The following ATAD5 variants were observed in gnomAD, a reference collection of about 807,000 sequenced individuals.
ATAD5 encodes ATPase family AAA domain-containing protein 5.
Under a neutral mutation model 176.9 loss-of-function variants are expected in ATAD5, and 58 were observed. The observed-to-expected ratio is 0.33, with a 90% confidence interval of 0.27 to 0.41. The LOEUF is 0.41. ATAD5 is among the 10% of genes least tolerant of loss of function. ATAD5 has a pLI of 1.00. For synonymous variants in ATAD5, 640 were observed against 712.6 expected (o/e 0.90, Z 1.62); for missense variants, 1,789 against 2,094.1 (o/e 0.85, Z 2.84).
At position 30,881,352 on chromosome 17, in the gene ATAD5, T is replaced by C. The variant is rs11870616; in HGVS notation, c.4077+1865T>C. ...AATTGTCCTGTTGCCCAGGCTGGAG[T>C]ACGGTGGCACGATCTTGGTTCACTA... On this transcript the variant is annotated intron_variant, in intron 18 of 22. Transcript: ENST00000321990. Among the ~76,000 whole-genome samples, 982 of 152,182 alleles carry C rather than the reference T, an allele frequency of 6.5e-3. 12 individuals are homozygous for C. Among genetic ancestry groups the C allele is most frequent in the African/African-American group, 0.023 (936 of 41,514 alleles).
intron 6 of ATAD5, among the ~76,000 whole-genome samples, chr17:30,850,899 T>TGTTTTTG (rs1313247794): frequency 1.7e-5 from 1 of 60,350 alleles, no homozygotes; most frequent in Non-Finnish European, 3.4e-5. Context: ...TTTTTTTTTT[T>TGTTTTTG]TTTGAGATAG....
At chr17:30,865,921 A>C (rs1907950360) in intron 11 of ATAD5, 121 bp downstream of exon 11, 1 of 550,514 alleles carries the variant, frequency 1.8e-6, no homozygotes, top group Non-Finnish European at 3.0e-6. Context: ...AACTGGTAGA[A>C]GTTTAAGTGA....
At position 30,835,733 on chromosome 17, in the gene ATAD5, A is replaced by G; in HGVS notation, c.1652A>G (p.Lys551Arg). ...GATATAGCAAATGATGACCTTCTAA[A>G]GGTTTCCTCTCTGTGTAACAATAAT... is the stretch of plus-strand genomic sequence containing the variant. ...YEDIANDDLL[K>R]VSSLCNNNKL... Residue 551 changes from lysine to arginine, a missense_variant, in exon 2 of 23, where the codon AAG becomes AGG. Lys to Arg is a conservative substitution (Grantham distance 26). Coordinates refer to ENST00000321990, the MANE Select transcript of ATAD5 (RefSeq NM_024857.5). 6.2e-7 allele frequency: 1 copy of G among 1,612,880 alleles called. No individual in the cohort carries two copies. The highest frequency in any genetic ancestry group is 8.5e-7 in the Non-Finnish European group (1 of 1,179,668).
rs371288855 is a variant in ATAD5 at position 30,834,167 on chromosome 17, A to G, written c.86A>G (p.Lys29Arg). 3 of 1,555,642 alleles carry G rather than the reference A, an allele frequency of 1.9e-6. No homozygotes were observed. The highest frequency in any genetic ancestry group is 2.6e-6 in the Non-Finnish European group (3 of 1,156,830). ...TGCCAGCCATGCAAAAAGCGAAAGAAAGATGATGACACATCTACCTGCAAA... is the reference window on the plus strand; with the variant it reads ...TGCCAGCCATGCAAAAAGCGAAAGAGAGATGATGACACATCTACCTGCAAA... Reference protein sequence around the residue: ...CEIEPCKKRKKDDDTSTCKTI... With the variant: ...CEIEPCKKRKRDDDTSTCKTI... Residue 29 changes from lysine (K) to arginine (R), a missense_variant, in exon 2 of 23, where the codon AAA becomes AGA. By Grantham distance (26) the Lys-to-Arg change is conservative. This residue lies in a region of ATAD5 where 696 missense variants were observed against 712.5 expected (regional missense o/e 0.98). Transcript: ENST00000321990.
At chr17:30,855,543 T>TA (rs1907244077) in intron 7 of ATAD5, among the ~76,000 whole-genome samples, 1 of 152,038 alleles carries the variant, frequency 6.6e-6, no homozygotes, top group African/African-American at 2.4e-5. Flanking sequence ...GTTTCTTGTA[T>TA]AAAATGGTGT....
rs778944688 is a variant in ATAD5, at chr17:30,893,566, A to G, written c.4713A>G (p.Val1571=). Reference sequence around the variant, plus strand: ...AAAAGAAACAAAAGAAAACATTGGTAATATTAGATGATAGTGATCTATTTG... The same window carrying G: ...AAAAGAAACAAAAGAAAACATTGGTGATATTAGATGATAGTGATCTATTTG... ...SQKKKQKKTL[V]ILDDSDLFDT... Residue 1571 remains valine (V), a synonymous_variant, in exon 21 of 23, where the codon GTA becomes GTG. Transcript: ENST00000321990. 11 of 1,613,346 alleles carry G rather than the reference A, an allele frequency of 6.8e-6. No individual in the cohort carries two copies. Among genetic ancestry groups the G allele is most frequent in the Middle Eastern group, 1.6e-4 (1 of 6,084 alleles).
rs1471483490 is a variant in ATAD5 at position 30,874,625 on chromosome 17, A to ATTTATTTATTTATTTG, written c.3608-1734_3608-1733insGTTTATTTATTTATTT. On this transcript the variant is annotated intron_variant, in intron 14 of 22. Transcript: ENST00000321990. ...TGTTCAACTATTTATTTATTTATTTATTTATTTATTTATTTATTTATTTGA... is the reference window on the plus strand; with the variant it reads ...TGTTCAACTATTTATTTATTTATTTATTTATTTATTTATTTGTTTATTTATTTATTTATTTATTTGA... Among the ~76,000 whole-genome samples, 287 of 146,266 alleles carry ATTTATTTATTTATTTG rather than the reference A, an allele frequency of 2.0e-3. 1 individual carries two copies. Among genetic ancestry groups the ATTTATTTATTTATTTG allele is most frequent in the African/African-American group, 6.8e-3 (273 of 39,946 alleles).
In ATAD5 at chr17:30,832,408, A is replaced by G; in HGVS notation, c.61A>G (p.Ile21Val). 6.4e-7 allele frequency: 1 copy of G among 1,561,860 alleles called. No individual in the cohort carries two copies. Among genetic ancestry groups the G allele is most frequent in the Non-Finnish European group, 8.7e-7 (1 of 1,152,830 alleles). ...TCCGCCTCCCGTGAAGGACTGCGAG[A>G]TTGAGGTGAGGTTGAGTCGAGGATC... ...AAPPPVKDCE[I>V]EPCKKRKKDD... Residue 21 changes from isoleucine to valine, a missense_variant, in exon 1 of 23, where the codon ATT (isoleucine) becomes GTT (valine). Ile to Val is a conservative substitution (Grantham distance 29, BLOSUM62 3). Around this residue, in one of 6 missense-constraint regions of ATAD5, gnomAD observed 696 missense variants for 712.5 expected, o/e 0.98. Coordinates refer to ENST00000321990, the MANE Select transcript of ATAD5 (RefSeq NM_024857.5).
intron 3 of ATAD5, 114 bp from the exon 4 acceptor site, chr17:30,840,503 G>C: frequency 7.5e-6 from 6 of 796,158 alleles, no homozygotes; most frequent in Non-Finnish European, 1.1e-5. Context: ...GGTAAGATTT[G>C]AATAACCATT....
In ATAD5 at chr17:30,893,475, C is replaced by T. The variant is rs1055508670; in HGVS notation, c.4622C>T (p.Thr1541Ile). The T allele has an allele frequency of 1.9e-6, 3 of 1,612,848 alleles. No individual in the cohort carries two copies. The African/African-American group carries it at 4.0e-5, about 22-fold the overall frequency. ...PSVTVDASAATKSMNCLARKH... is the reference protein window; with the variant it reads ...PSVTVDASAAIKSMNCLARKH... ...GTAACTGTGGATGCCAGTGCAGCAA[C>T]AAAAAGTATGAATTGTCTTGCTAGG... Residue 1541 changes from threonine (T) to isoleucine (I), a missense_variant, in exon 21 of 23, where the codon ACA (threonine) becomes ATA (isoleucine). By Grantham distance (89) the Thr-to-Ile change is moderately conservative. Around this residue, in one of 6 missense-constraint regions of ATAD5, gnomAD observed 403 missense variants for 495.1 expected, o/e 0.81. Transcript: ENST00000321990.
At chr17:30,865,212 G>A (rs1031440865) in intron 10 of ATAD5, among the ~76,000 whole-genome samples, 2 of 142,638 alleles carry the variant, frequency 1.4e-5, no homozygotes, top group Non-Finnish European at 3.0e-5. Context: ...TCGCTCTGTC[G>A]CCCAGGCTAG....
intron 14 of ATAD5, among the ~76,000 whole-genome samples, chr17:30,874,701 G>T (rs1374242430): frequency 1.3e-5 from 2 of 150,500 alleles, no homozygotes; most frequent in Non-Finnish European, 3.0e-5. Context: ...AGCGATCTCA[G>T]CTCACTGCAA....
chr17:30,891,700 CTT>C (rs1340793917), intron 19 of ATAD5, among the ~76,000 whole-genome samples: 1 of 150,570 alleles, frequency 6.6e-6, no homozygotes, highest in East Asian at 2.0e-4. Context: ...TTTCTTCCCC[CTT>C]TGAGTTGGAG....
intron 8 of ATAD5, 119 bp downstream of exon 8, chr17:30,857,231 T>C: frequency 8.3e-7 from 1 of 1,197,720 alleles, no homozygotes. Flanking sequence ...AATTTTTTTT[T>C]TTTTTGAGAC....
At chr17:30,888,761 G>A (rs1909459743) in intron 19 of ATAD5, among the ~76,000 whole-genome samples, 1 of 151,870 alleles carries the variant, frequency 6.6e-6, no homozygotes, top group African/African-American at 2.4e-5. Context: ...TGATCTCATT[G>A]TTTAATTTTA....
rs944874931 is a variant in ATAD5, at chr17:30,832,215, G to A, written c.-133G>A. The A allele has an allele frequency of 3.4e-5, 21 of 618,138 alleles. No homozygotes were observed. The highest frequency in any genetic ancestry group is 5.0e-5 in the Non-Finnish European group (20 of 399,706). The allele number at this position is 618,138 out of a possible 1,614,324, so 38.3% of individuals were successfully genotyped here. A position where few individuals can be genotyped will look rare whatever the true frequency, so the allele number is the denominator to read the frequency against. On this transcript the variant is annotated 5_prime_UTR_variant, in exon 1 of 23. Coordinates refer to ENST00000321990, the MANE Select transcript of ATAD5 (RefSeq NM_024857.5). ...GCTCCCGCTCTCTGTCGGTGGGCGC[G>A]GGGGAATCCGAAACGGCTCAGCAGA...
chr17:30,876,467 C>T lies in ATAD5; in HGVS notation c.3701C>T (p.Pro1234Leu), dbSNP rs1908683889. ...KSSGPKRALP[P>L]KTLANYFKVS... ...AGTGGACCAAAGCGAGCACTTCCTC[C>T]CAAAACCTTGGCAAATTATTTTAAA... Residue 1234 changes from proline to leucine, a missense_variant, in exon 15 of 23, where the codon CCC becomes CTC. Pro to Leu is a moderately conservative substitution (Grantham distance 98). This residue lies in a region of ATAD5 where 194 missense variants were observed against 270.1 expected (regional missense o/e 0.72). Transcript: ENST00000321990. The T allele has an allele frequency of 1.2e-6, 2 of 1,609,368 alleles. No individual in the cohort carries two copies. The highest frequency in any genetic ancestry group is 1.7e-6 in the Non-Finnish European group (2 of 1,176,978).
chr17:30,833,929 G>A (rs1189467849), intron 1 of ATAD5, among the ~76,000 whole-genome samples: 5 of 152,072 alleles, frequency 3.3e-5, no homozygotes, highest in Non-Finnish European at 7.4e-5. Flanking sequence ...TGATCCACCC[G>A]CCTTGGCCTC....
In ATAD5 at chr17:30,887,372, C is replaced by T. The variant is rs760842872; in HGVS notation, c.4258C>T (p.Arg1420Cys). ...VLEERPLTLY[R>C]GNSRNVQLVC... ...AGAAGAACGACCATTAACCCTTTAT[C>T]GTAAGTTGATTTGTTATTAAAGAAA... The change falls in exon 19 of 23, where the codon CGT (arginine) becomes TGT (cysteine). Residue 1420 changes from arginine (R) to cysteine (C), a missense_variant and splice_region_variant. Arg to Cys is a radical substitution (Grantham distance 180, BLOSUM62 -3). Transcript: ENST00000321990. The T allele has an allele frequency of 2.9e-5, 46 of 1,587,616 alleles. No individual in the cohort carries two copies. The highest frequency in any genetic ancestry group is 2.1e-4 in the Admixed American group (11 of 52,282).
Sources: gnomAD v4.1 joint callset for allele counts (sites outside exome capture counted in the v4.1 genomes callset) on GRCh38, gnomAD v4.1.1 for gene constraint, gnomAD v4.1.1 regional missense constraint, MANE v1.5 for transcripts, NCBI Gene and HGNC (gene_info 2026-07-23, HGNC 2026-07-21) for gene names.